Variants in ZNF253 observed in about 807,000 individuals in gnomAD.
ZNF253 encodes the protein zinc finger protein 253.
A neutral mutation model predicts 11.9 loss-of-function variants in ZNF253; 8 were observed. That is an observed-to-expected ratio of 0.67 (90% confidence interval 0.40 to 1.22). The LOEUF (loss-of-function observed/expected upper bound fraction) is 1.22. ZNF253 is among the 50% of genes most tolerant of loss of function. The pLI is 0.01. For synonymous variants in ZNF253, 194 were observed against 194.9 expected (o/e 1.00, Z 0.04); for missense variants, 485 against 586.9 (o/e 0.83, Z 1.79).
At chr19:19,883,517 G>T (rs2063186398) in intron 3 of ZNF253, among the ~76,000 whole-genome samples, 1 of 152,042 alleles carries the variant, frequency 6.6e-6, no homozygotes, top group Non-Finnish European at 1.5e-5. Context: ...GAGATTGAGA[G>T]GGATTCAAAA....
chr19:19,871,606 T>C (rs1366764432), intron 1 of ZNF253, among the ~76,000 whole-genome samples: 1 of 152,198 alleles, frequency 6.6e-6, no homozygotes, highest in East Asian at 1.9e-4. Flanking sequence ...TGTCATTGAA[T>C]ATAAGCAATT....
intron 1 of ZNF253, among the ~76,000 whole-genome samples, chr19:19,869,688 A>T (rs111368070): frequency 0.043 from 2,073 of 48,724 alleles, 98 homozygotes; most frequent in East Asian, 0.23. Flanking sequence ...TTTTTTTTTT[A>T]AAAAACAGTC....
chr19:19,872,595 AT>A (rs2063139511), intron 1 of ZNF253, among the ~76,000 whole-genome samples: 1 of 145,160 alleles, frequency 6.9e-6, no homozygotes, highest in African/African-American at 2.6e-5. Context: ...ATATATATAT[AT>A]ATATAATCAA....
In ZNF253 at chr19:19,892,157, A is replaced by G. The variant is rs530032498; in HGVS notation, c.910A>G (p.Lys304Glu). The G allele has an allele frequency of 1.9e-6, 3 of 1,613,986 alleles. No homozygotes were observed. The South Asian group carries it at 3.3e-5, about 18-fold the overall frequency. The change falls in exon 4 of 4, where the codon AAA becomes GAA. Residue 304 changes from lysine to glutamate, a missense_variant. Lys to Glu is a moderately conservative substitution (Grantham distance 56, BLOSUM62 1). Coordinates refer to ENST00000589717, the MANE Select transcript of ZNF253 (RefSeq NM_021047.3). The part of the protein sequence containing the change: ...KHPSHVTTHK[K>E]IHTRGKPYNC... ...CCCCTCACACGTTACCACACATAAG[A>G]AAATTCATACTAGAGGGAAACCCTA...
chr19:19,882,088 C>G (rs1599554888), intron 3 of ZNF253, among the ~76,000 whole-genome samples: 1 of 151,762 alleles, frequency 6.6e-6, no homozygotes. Context: ...CCTTAGGAGG[C>G]TGAGACAGGA....
intron 3 of ZNF253, among the ~76,000 whole-genome samples, chr19:19,890,413 A>C (rs1568500939): frequency 6.6e-6 from 1 of 152,068 alleles, no homozygotes; most frequent in Non-Finnish European, 1.5e-5. Flanking sequence ...GTGTCTAAAA[A>C]AGTTCATAGA....
intron 3 of ZNF253, among the ~76,000 whole-genome samples, chr19:19,889,259 TG>T (rs1419000664): frequency 3.3e-5 from 5 of 152,170 alleles, no homozygotes; most frequent in Non-Finnish European, 5.9e-5. Flanking sequence ...TATTTTTTCT[TG>T]TTTATCCTCA....
At chr19:19,885,229 TTCTTTC>T (rs2063194405) in intron 3 of ZNF253, among the ~76,000 whole-genome samples, 1 of 43,964 alleles carries the variant, frequency 2.3e-5, no homozygotes, top group Non-Finnish European at 3.7e-5. Context: ...CTTTCTTTCT[TTCTTTC>T]TTTCTTTCTT....
chr19:19,889,740 A>G (rs538553958), intron 3 of ZNF253, among the ~76,000 whole-genome samples: 1 of 152,168 alleles, frequency 6.6e-6, no homozygotes, highest in Non-Finnish European at 1.5e-5. Flanking sequence ...CTTGGGTTCA[A>G]GCAGTTCTCG....
chr19:19,885,551 C>T (rs967944678), intron 3 of ZNF253, among the ~76,000 whole-genome samples: 6 of 151,704 alleles, frequency 4.0e-5, no homozygotes, highest in African/African-American at 7.3e-5. Flanking sequence ...CCACCATGCC[C>T]GGCTAAGTTT....
At chr19:19,882,949 C>T (rs1041386877) in intron 3 of ZNF253, among the ~76,000 whole-genome samples, 1 of 145,458 alleles carries the variant, frequency 6.9e-6, no homozygotes, top group African/African-American at 2.6e-5. Flanking sequence ...CCAGCCCAGG[C>T]AACAGTGCGA....
Position 19,872,580 on chromosome 19 carries a change from T to TATATATATATATA in ZNF253, c.4-5901_4-5900insATATATATATATA, listed in dbSNP as rs1555777030. Among the ~76,000 whole-genome samples the TATATATATATATA allele has an allele frequency of 4.2e-3, 456 of 108,134 alleles. 6 individuals carry two copies. The highest frequency in any genetic ancestry group is 0.014 in the African/African-American group (267 of 19,432). 70.9% of individuals were successfully genotyped at this position (108,134 alleles called of 152,430 possible). A position where few individuals can be genotyped will look rare whatever the true frequency, so the allele number is the denominator to read the frequency against. On this transcript the variant is annotated intron_variant, in intron 1 of 3. Transcript: ENST00000589717. Reference sequence around the variant, plus strand: ...CCATAACTATATATATATATATATATTATTATATATATATATATATAATCA... The same window carrying TATATATATATATA: ...CCATAACTATATATATATATATATATATATATATATATATATTATATATATATATATATAATCA...
In ZNF253 at chr19:19,866,004, G is replaced by T. The variant is rs1370927326; in HGVS notation, c.3+5G>T. The stretch of plus-strand genomic sequence containing the variant: ...ACCCCTGGAAGCCTAGAAATGGTGA[G>T]TGCCGGGTCCAACGTCCCGAGAGAG... On this transcript the variant is annotated splice_donor_5th_base_variant and intron_variant, in intron 1 of 3. Transcript: ENST00000589717. The T allele has an allele frequency of 1.2e-6, 2 of 1,614,080 alleles. No individual in the cohort carries two copies. Among genetic ancestry groups the T allele is most frequent in the African/African-American group, 2.7e-5 (2 of 74,942 alleles).
At chr19:19,876,926 T>C (rs534121744) in intron 1 of ZNF253, among the ~76,000 whole-genome samples, 3 of 152,312 alleles carry the variant, frequency 2.0e-5, no homozygotes, top group Admixed American at 2.0e-4. Context: ...ATTTGCTGCA[T>C]CATAGCTTCT....
chr19:19,876,523 TC>T (rs1478768878), intron 1 of ZNF253, among the ~76,000 whole-genome samples: 3 of 145,208 alleles, frequency 2.1e-5, no homozygotes, highest in Non-Finnish European at 3.1e-5. Flanking sequence ...AGCTCATTGT[TC>T]CTGAATCTCT....
rs980665533 is a variant in ZNF253, at chr19:19,894,191, A to T, written c.*1444A>T. On this transcript the variant is annotated 3_prime_UTR_variant, in exon 4 of 4. Transcript: ENST00000589717. ...ATAAATTATTTCTATATAATTTTTTAAAAAGTGGATTTTTGAAGCACTGTA... is the reference window on the plus strand; with the variant it reads ...ATAAATTATTTCTATATAATTTTTTTAAAAGTGGATTTTTGAAGCACTGTA... 1.1e-4 allele frequency: 17 copies of T among 152,344 alleles called. No homozygotes were observed. Among genetic ancestry groups the T allele is most frequent in the African/African-American group, 3.1e-4 (13 of 41,592 alleles). The allele number at this position is 152,344 out of a possible 1,614,324, so 9.4% of individuals were successfully genotyped here. A position where few individuals can be genotyped will look rare whatever the true frequency, so the allele number is the denominator to read the frequency against.
intron 1 of ZNF253, among the ~76,000 whole-genome samples, chr19:19,877,333 C>A (rs2063159690): frequency 6.6e-6 from 1 of 150,506 alleles, no homozygotes; most frequent in South Asian, 2.1e-4. Context: ...TATTTACTTT[C>A]TTTGGGAGGA....
chr19:19,865,975 C>T lies in ZNF253; in HGVS notation c.-22C>T, dbSNP rs1465831471. On this transcript the variant is annotated 5_prime_UTR_variant, in exon 1 of 4. Transcript: ENST00000589717. ...TATTGGGAGAGCCACAGCTAAACCC[C>T]GGGACCCCTGGAAGCCTAGAAATGG... 1 of 1,614,148 alleles carries T rather than the reference C, an allele frequency of 6.2e-7. No individual in the cohort carries two copies. Among genetic ancestry groups the T allele is most frequent in the African/African-American group, 1.3e-5 (1 of 75,036 alleles).
chr19:19,869,109 A>G (rs762285450), intron 1 of ZNF253, among the ~76,000 whole-genome samples: 2 of 152,200 alleles, frequency 1.3e-5, no homozygotes, highest in Non-Finnish European at 2.9e-5. Context: ...TTAAGAGCAC[A>G]CAGAAGCTTA....
Sources: gnomAD v4.1 joint callset for allele counts (sites outside exome capture counted in the v4.1 genomes callset) on GRCh38, gnomAD v4.1.1 for gene constraint, MANE v1.5 for transcripts, NCBI Gene and HGNC (gene_info 2026-07-23, HGNC 2026-07-21) for gene names.